COPG2: variants seen among roughly 807,000 people sequenced by gnomAD.
COPG2 encodes coat protein complex I subunit gamma 2, also known as coatomer subunit gamma-2.
A neutral mutation model predicts 46.3 loss-of-function variants in COPG2; 37 were observed. The ratio of observed to expected loss-of-function variants is 0.80; its 90% CI spans 0.61 to 1.05. The LOEUF (loss-of-function observed/expected upper bound fraction) is 1.05, where lower values mean the gene tolerates loss of function less well. Ranked by LOEUF, COPG2 falls within the 50% of genes least tolerant of loss-of-function variation. The probability of loss-of-function intolerance (pLI) is 0.00; values close to 1 mark genes in which losing one functional copy is unlikely to be tolerated. For synonymous variants in COPG2, 159 were observed against 129.7 expected (o/e 1.23, Z -1.53); for missense variants, 427 against 387.8 (o/e 1.10, Z -0.85).
chr7:130,612,063 T>C, intron 8 of COPG2, 89 bp downstream of exon 8: 1 of 901,562 alleles, frequency 1.1e-6, no homozygotes, highest in Non-Finnish European at 1.8e-6. Flanking sequence ...TTAGTTAATG[T>C]TTATCTAGGG....
At chr7:130,521,953 T>C (rs1374845351) in intron 20 of COPG2, among the ~76,000 whole-genome samples, 2 of 152,170 alleles carry the variant, frequency 1.3e-5, no homozygotes, top group African/African-American at 2.4e-5. Context: ...AGAGGCACCG[T>C]AGATTGAGTA....
chr7:130,533,927 A>T (rs1799853434), intron 20 of COPG2, among the ~76,000 whole-genome samples: 1 of 141,554 alleles, frequency 7.1e-6, no homozygotes, highest in South Asian at 2.6e-4. Flanking sequence ...TGATGGAAAA[A>T]GAAAGGGACA....
chr7:130,668,148 C>A lies in COPG2; in HGVS notation c.37+484G>T, dbSNP rs560700184. 1.3e-3 allele frequency among the ~76,000 whole-genome samples: 200 copies of A among 152,300 alleles called. 2 individuals are homozygous for A. The highest frequency in any genetic ancestry group is 4.5e-3 in the African/African-American group (189 of 41,572). ...TGTGTCCCACGGGACAGTCTTGCCC[C>A]CGGGGACCTGGACAGAGCCGGTGAC... On this transcript the variant is annotated intron_variant, in intron 1 of 23. Coordinates refer to ENST00000425248, the MANE Select transcript of COPG2 (RefSeq NM_012133.6).
intron 20 of COPG2, among the ~76,000 whole-genome samples, chr7:130,525,375 G>A (rs1799763909): frequency 6.6e-6 from 1 of 152,196 alleles, no homozygotes; most frequent in Non-Finnish European, 1.5e-5. Context: ...GGAATATGCG[G>A]AACTAGGTCC....
Position 130,507,731 on chromosome 7 carries a change from A to G in COPG2, c.2340T>C (p.Phe780=), listed in dbSNP as rs781861646. Reference sequence around the variant, plus strand: ...TGAGGGCAAAGGTTTCCTCTTTCTCAAAGGTATCTCCCACCTCTTCCCAAG... The same window carrying G: ...TGAGGGCAAAGGTTTCCTCTTTCTCGAAGGTATCTCCCACCTCTTCCCAAG... ...AAAWEEVGDT[F]EKEETFALSS... Residue 780 remains phenylalanine (F), a synonymous_variant, in exon 22 of 24, where the codon TTT becomes TTC. Coordinates refer to ENST00000425248, the MANE Select transcript of COPG2 (RefSeq NM_012133.6). 17 of 780,590 alleles carry G rather than the reference A, an allele frequency of 2.2e-5. No homozygotes were observed. The Admixed American group carries it at 2.5e-4, about 12-fold the overall frequency. 48.4% of individuals were successfully genotyped at this position (780,590 alleles called of 1,614,324 possible). A position where few individuals can be genotyped will look rare whatever the true frequency, so the allele number is the denominator to read the frequency against.
intron 5 of COPG2, among the ~76,000 whole-genome samples, chr7:130,632,861 A>T (rs1328836757): frequency 6.6e-6 from 1 of 152,076 alleles, no homozygotes; most frequent in Non-Finnish European, 1.5e-5. Flanking sequence ...TGTCATCTAC[A>T]TTAGGTACTT....
intron 4 of COPG2, among the ~76,000 whole-genome samples, chr7:130,653,705 G>A (rs914126465): frequency 1.3e-5 from 2 of 152,134 alleles, no homozygotes; most frequent in Non-Finnish European, 2.9e-5. Flanking sequence ...ATCCCTTACT[G>A]AGTAACCTCA....
rs1793835319 is a variant in COPG2 at position 130,568,176 on chromosome 7, G to A, written c.738-3783C>T. On this transcript the variant is annotated intron_variant, in intron 9 of 23. Transcript: ENST00000425248. ...TGTAGTCCCAGCTACTCGGGAGGCT[G>A]ACACAGGAGAATCACTTGAACCTGG... Among the ~76,000 whole-genome samples, 4 of 152,246 alleles carry A rather than the reference G, an allele frequency of 2.6e-5. No homozygotes were observed. In the South Asian group the frequency reaches 8.3e-4, roughly 32 times the overall value.
At chr7:130,615,371 G>A (rs547004427) in intron 6 of COPG2, among the ~76,000 whole-genome samples, 1 of 152,150 alleles carries the variant, frequency 6.6e-6, no homozygotes, top group African/African-American at 2.4e-5. Flanking sequence ...ATGAGCTGAT[G>A]AGCAGGTGCT....
At chr7:130,521,057 G>T (rs1216944703) in intron 20 of COPG2, among the ~76,000 whole-genome samples, 1 of 152,108 alleles carries the variant, frequency 6.6e-6, no homozygotes, top group Non-Finnish European at 1.5e-5. Context: ...AAGGGAGATG[G>T]ATAAGAGCTT....
chr7:130,630,559 TGA>T (rs147518027), intron 5 of COPG2, among the ~76,000 whole-genome samples: 203 of 152,352 alleles, frequency 1.3e-3, no homozygotes, highest in African/African-American at 4.8e-3. Context: ...TCTATGTTTT[TGA>T]GAGATGAGTA....
At chr7:130,549,978 G>A (rs1254768201) in intron 17 of COPG2, among the ~76,000 whole-genome samples, 1 of 152,088 alleles carries the variant, frequency 6.6e-6, no homozygotes, top group Non-Finnish European at 1.5e-5. Context: ...AGTGGCAACT[G>A]ACTTCAGATA....
intron 20 of COPG2, among the ~76,000 whole-genome samples, chr7:130,514,708 T>C (rs940222755): frequency 6.6e-6 from 1 of 152,274 alleles, no homozygotes; most frequent in Admixed American, 6.5e-5. Flanking sequence ...ATTTGAAGAA[T>C]GGCAGGACTG....
intron 20 of COPG2, among the ~76,000 whole-genome samples, chr7:130,531,548 C>T (rs1268070259): frequency 2.0e-5 from 3 of 150,626 alleles, no homozygotes; most frequent in Non-Finnish European, 4.4e-5. Flanking sequence ...CAGGGAGGGG[C>T]ACAAAGGGTG....
intron 20 of COPG2, among the ~76,000 whole-genome samples, chr7:130,544,851 G>A (rs1793412858): frequency 6.6e-6 from 1 of 152,154 alleles, no homozygotes; most frequent in Non-Finnish European, 1.5e-5. Flanking sequence ...GACTTAGGAT[G>A]TCCATAGTCT....
chr7:130,597,693 T>C (rs1489840274), intron 9 of COPG2, among the ~76,000 whole-genome samples: 1 of 151,874 alleles, frequency 6.6e-6, no homozygotes, highest in Non-Finnish European at 1.5e-5. Flanking sequence ...TATAATAAAA[T>C]AAGGGAAATA....
chr7:130,599,012 C>T (rs569622543), intron 9 of COPG2, among the ~76,000 whole-genome samples: 1 of 152,188 alleles, frequency 6.6e-6, no homozygotes, highest in Non-Finnish European at 1.5e-5. Flanking sequence ...ATCCCTGCCT[C>T]AGATGCAGAC....
In COPG2 at chr7:130,565,946, A is replaced by G. The variant is rs958302092; in HGVS notation, c.738-1553T>C. ...TGAACAGTGCTTTGGAGACCTGTGT[A>G]ACATGACCAAGGGTACCAACATTTT... On this transcript the variant is annotated intron_variant, in intron 9 of 23. Transcript: ENST00000425248. Among the ~76,000 whole-genome samples, 564 of 152,314 alleles carry G rather than the reference A, an allele frequency of 3.7e-3. 1 individual carries two copies. Among genetic ancestry groups the G allele is most frequent in the Middle Eastern group, 0.01 (3 of 294 alleles).
chr7:130,597,574 C>T (rs576381363), intron 9 of COPG2, among the ~76,000 whole-genome samples: 27 of 151,822 alleles, frequency 1.8e-4, no homozygotes, highest in African/African-American at 6.5e-4. Context: ...CTAACAGTGG[C>T]CCTAATTGGA....
Sources: gnomAD v4.1 joint callset for allele counts (sites outside exome capture counted in the v4.1 genomes callset) on GRCh38, gnomAD v4.1.1 for gene constraint, MANE v1.5 for transcripts, NCBI Gene and HGNC (gene_info 2026-07-23, HGNC 2026-07-21) for gene names.